The following TRIM2 variants were observed in gnomAD, a reference collection of about 807,000 sequenced individuals.
TRIM2 encodes the protein tripartite motif-containing protein 2.
TRIM2 carries 20 observed loss-of-function variants against 75.2 expected under a neutral mutation model. That is an observed-to-expected ratio of 0.27 (90% CI 0.19 to 0.39). The LOEUF is 0.39. Among genes scored for constraint, TRIM2 ranks in the 10% least tolerant of loss-of-function variants. The probability of loss-of-function intolerance (pLI) is 1.00; values close to 1 mark genes in which losing one functional copy is unlikely to be tolerated. For synonymous variants in TRIM2, 373 were observed against 388.3 expected, an observed-to-expected ratio of 0.96 and a Z score of 0.46; for missense variants, 660 against 990.8, an observed-to-expected ratio of 0.67 and a Z score of 4.48.
chr4:153,249,772 G>A (rs546883448), intron 1 of TRIM2, among the ~76,000 whole-genome samples: 3 of 152,172 alleles, frequency 2.0e-5, no homozygotes, highest in African/African-American at 7.2e-5. Flanking sequence ...ACTTGACACC[G>A]CCTTGAATTT....
chr4:153,195,271 C>G (rs1243952715), intron 1 of TRIM2, among the ~76,000 whole-genome samples: 1 of 152,030 alleles, frequency 6.6e-6, no homozygotes, highest in African/African-American at 2.4e-5. Flanking sequence ...GTAATCCCAG[C>G]ACTTTGGGAG....
chr4:153,314,367 C>A (rs1767102005), intron 6 of TRIM2, among the ~76,000 whole-genome samples: 1 of 138,254 alleles, frequency 7.2e-6, no homozygotes, highest in Non-Finnish European at 1.5e-5. Context: ...TTGCAGTGAG[C>A]CGAGATCCCG....
At chr4:153,246,222 T>C (rs1749100595) in intron 1 of TRIM2, among the ~76,000 whole-genome samples, 1 of 152,210 alleles carries the variant, frequency 6.6e-6, no homozygotes, top group African/African-American at 2.4e-5. Flanking sequence ...AACAACCCTA[T>C]AAAAAGTATC....
chr4:153,182,647 C>T (rs1039315978), intron 1 of TRIM2, among the ~76,000 whole-genome samples: 1 of 152,176 alleles, frequency 6.6e-6, no homozygotes, highest in Non-Finnish European at 1.5e-5. Flanking sequence ...TTAGGGTGCA[C>T]ACAAATATGG....
intron 1 of TRIM2, among the ~76,000 whole-genome samples, chr4:153,195,489 C>A (rs1733671569): frequency 6.6e-6 from 1 of 151,906 alleles, no homozygotes; most frequent in Non-Finnish European, 1.5e-5. Context: ...ACGCTCCAGC[C>A]TGGGAGAAAA....
Position 153,294,342 on chromosome 4 carries a change from G to T in TRIM2, c.643G>T (p.Glu215Ter). The change falls in exon 5 of 12, where the codon GAA (glutamate) becomes TAA (stop). Residue 215 changes from glutamate (E) to a stop codon, truncating the protein, a stop_gained. Coordinates refer to ENST00000338700, the MANE Select transcript of TRIM2 (RefSeq NM_015271.5). LOFTEE classifies it high-confidence loss of function. Reference protein sequence around the residue: ...EIDSALQFISEIIHQLTNQKA... With the variant: ...EIDSALQFIS Reference sequence around the variant, plus strand: ...AGATTCTGCTCTTCAGTTCATCTCTGAAATCATTCATCAGTTAACCAACCA... The same window carrying T: ...AGATTCTGCTCTTCAGTTCATCTCTTAAATCATTCATCAGTTAACCAACCA... 1 of 1,614,164 alleles carries T rather than the reference G, an allele frequency of 6.2e-7. No individual in the cohort carries two copies. The highest frequency in any genetic ancestry group is 8.5e-7 in the Non-Finnish European group (1 of 1,180,018).
At chr4:153,287,426 A>G (rs1266304015) in intron 3 of TRIM2, among the ~76,000 whole-genome samples, 1 of 152,152 alleles carries the variant, frequency 6.6e-6, no homozygotes, top group African/African-American at 2.4e-5. Context: ...AATTAACTTA[A>G]TTACTGAAAA....
At chr4:153,211,593 C>A (rs548921741) in intron 1 of TRIM2, among the ~76,000 whole-genome samples, 1 of 149,714 alleles carries the variant, frequency 6.7e-6, no homozygotes, top group African/African-American at 2.5e-5. Context: ...ACAGGTGATT[C>A]TCCCACCTTA....
intron 1 of TRIM2, among the ~76,000 whole-genome samples, chr4:153,196,970 C>T (rs1219673839): frequency 6.6e-6 from 1 of 152,200 alleles, no homozygotes; most frequent in Non-Finnish European, 1.5e-5. Flanking sequence ...CATCCTTTTC[C>T]ATGTGTGGGC....
intron 6 of TRIM2, among the ~76,000 whole-genome samples, chr4:153,303,149 G>C (rs912127986): frequency 1.3e-5 from 2 of 152,118 alleles, no homozygotes; most frequent in African/African-American, 4.8e-5. Flanking sequence ...CAAATCAGTA[G>C]AGTTTATGTT....
At chr4:153,283,663 A>G (rs1411658792) in intron 3 of TRIM2, among the ~76,000 whole-genome samples, 1 of 83,512 alleles carries the variant, frequency 1.2e-5, no homozygotes, top group Non-Finnish European at 2.3e-5. Context: ...TTTTTGAGAC[A>G]GAGTTGCTCT....
intron 1 of TRIM2, among the ~76,000 whole-genome samples, chr4:153,210,859 C>T (rs910670875): frequency 2.0e-5 from 3 of 152,152 alleles, no homozygotes; most frequent in Non-Finnish European, 4.4e-5. Context: ...CTAGAAGCCC[C>T]AGAAGCCGTG....
In TRIM2 at chr4:153,295,266, GC is replaced by G; in HGVS notation, c.787-43del. 1 of 1,513,936 alleles carries G rather than the reference GC, an allele frequency of 6.6e-7. No homozygotes were observed. Among genetic ancestry groups the G allele is most frequent in the Non-Finnish European group, 8.8e-7 (1 of 1,130,756 alleles). The allele number at this position is 1,513,936 out of a possible 1,614,324, so 93.8% of individuals were successfully genotyped here. A position where few individuals can be genotyped will look rare whatever the true frequency, so the allele number is the denominator to read the frequency against. ...GGTGGAGGGCACTGCCCCGGGCTAG[GC>G]CCCGCCCTGTGGGACGAGCTCACCA... On this transcript the variant is annotated intron_variant, in intron 5 of 11. Transcript: ENST00000338700. This position sits in a 1 kb window ranked among gnomAD's most constrained non-coding sequence, Gnocchi z 7.2.
At chr4:153,266,566 C>T (rs548840601) in intron 1 of TRIM2, among the ~76,000 whole-genome samples, 2 of 151,650 alleles carry the variant, frequency 1.3e-5, no homozygotes, top group Non-Finnish European at 2.9e-5. Flanking sequence ...TGGTCTGGAT[C>T]TCTTGACCTC....
intron 1 of TRIM2, among the ~76,000 whole-genome samples, chr4:153,252,926 G>A (rs755675123): frequency 6.6e-6 from 1 of 152,288 alleles, no homozygotes; most frequent in African/African-American, 2.4e-5. Flanking sequence ...TATGTCATTT[G>A]TTCATTCATA....
At chr4:153,208,359 A>G (rs1736037485) in intron 1 of TRIM2, among the ~76,000 whole-genome samples, 1 of 152,090 alleles carries the variant, frequency 6.6e-6, no homozygotes, top group African/African-American at 2.4e-5. Context: ...TTACACAAGA[A>G]GAAATTTGTG....
intron 11 of TRIM2, among the ~76,000 whole-genome samples, chr4:153,329,161 A>G (rs781470826): frequency 6.6e-6 from 1 of 152,134 alleles, no homozygotes; most frequent in Non-Finnish European, 1.5e-5. Flanking sequence ...ACTATTTCTT[A>G]TTATTTAATG....
intron 1 of TRIM2, among the ~76,000 whole-genome samples, chr4:153,244,416 T>C (rs1404148687): frequency 1.1e-5 from 1 of 94,430 alleles, no homozygotes; most frequent in African/African-American, 5.6e-5. Flanking sequence ...TTCTTCTTCT[T>C]CTTCTTCTTC....
chr4:153,244,421 T>TTCTTCTTCTTCCTCTTCC, intron 1 of TRIM2, among the ~76,000 whole-genome samples: 1 of 89,096 alleles, frequency 1.1e-5, no homozygotes, highest in Non-Finnish European at 2.3e-5. Flanking sequence ...CTTCTTCTTC[T>TTCTTCTTCTTCCTCTTCC]TCTTCTTCTT....
Sources: gnomAD v4.1 joint callset for allele counts (sites outside exome capture counted in the v4.1 genomes callset) on GRCh38, gnomAD v4.1.1 for gene constraint, Gnocchi (gnomAD v3.1) non-coding constraint, MANE v1.5 for transcripts, NCBI Gene and HGNC (gene_info 2026-07-23, HGNC 2026-07-21) for gene names.